Variants in MYO16 observed in about 807,000 individuals in gnomAD.
The protein encoded by MYO16 is unconventional myosin-XVI.
A neutral mutation model predicts 205.3 loss-of-function variants in MYO16; 94 were observed. The ratio of observed to expected loss-of-function variants is 0.46; its 90% CI spans 0.39 to 0.54. MYO16 has a LOEUF of 0.54. Among genes scored for constraint, MYO16 ranks in the 20% least tolerant of loss-of-function variants. MYO16 has a pLI of 0.00. For synonymous variants in MYO16, 988 were observed against 954.0 expected, an observed-to-expected ratio of 1.04 and a Z score of -0.66; for missense variants, 2,315 against 2,387.5, an observed-to-expected ratio of 0.97 and a Z score of 0.63.
At chr13:109,116,748 A>G (rs1875709556) in intron 28 of MYO16, among the ~76,000 whole-genome samples, 1 of 152,140 alleles carries the variant, frequency 6.6e-6, no homozygotes, top group Non-Finnish European at 1.5e-5. Flanking sequence ...AGGGTCAGCT[A>G]GTTCCTGGTT....
intron 6 of MYO16, among the ~76,000 whole-genome samples, chr13:108,796,005 C>A (rs1467251397): frequency 1.3e-5 from 2 of 152,158 alleles, no homozygotes; most frequent in African/African-American, 2.4e-5. Context: ...ACCACAAACT[C>A]CTACAGTGTC....
At chr13:108,882,994 A>G in intron 12 of MYO16, 65 bp from the exon 13 acceptor site, 1 of 1,584,848 alleles carries the variant, frequency 6.3e-7, no homozygotes, top group South Asian at 1.1e-5. Context: ...CACTCTCATT[A>G]TGGGATGAGG....
At chr13:109,131,871 A>C (rs2139786282) in intron 31 of MYO16, among the ~76,000 whole-genome samples, 1 of 152,280 alleles carries the variant, frequency 6.6e-6, no homozygotes, top group African/African-American at 2.4e-5. Flanking sequence ...GACTGAAGTT[A>C]AATATAAGCC....
intron 16 of MYO16, among the ~76,000 whole-genome samples, chr13:108,919,079 C>G (rs1881628415): frequency 6.6e-6 from 1 of 152,190 alleles, no homozygotes. Context: ...TCCAGATACT[C>G]AGGCTCTTTT....
At chr13:108,796,180 A>G (rs1886783221) in intron 6 of MYO16, among the ~76,000 whole-genome samples, 1 of 152,218 alleles carries the variant, frequency 6.6e-6, no homozygotes. Context: ...TGGGAAGTTC[A>G]GAAGAGAGGA....
At chr13:108,773,139 C>A (rs1886022146) in intron 4 of MYO16, among the ~76,000 whole-genome samples, 1 of 152,162 alleles carries the variant, frequency 6.6e-6, no homozygotes, top group African/African-American at 2.4e-5. Flanking sequence ...GCACCAATCC[C>A]AATCCTGAGA....
intron 16 of MYO16, among the ~76,000 whole-genome samples, chr13:108,941,606 G>T (rs895907372): frequency 2.7e-5 from 4 of 150,460 alleles, no homozygotes; most frequent in African/African-American, 9.8e-5. Context: ...GAACCTGGGA[G>T]GCAGAGTTTG....
chr13:109,097,268 G>A lies in MYO16; in HGVS notation c.3336-3517G>A, dbSNP rs539870956. On this transcript the variant is annotated intron_variant, in intron 27 of 34. Coordinates refer to ENST00000457511, the MANE Select transcript of MYO16 (RefSeq NM_001198950.3). ...TGTTTGAACCCAGGAGGCAGAGGTT[G>A]CGGTCAGCCGAGATCACACCATTGC... 2.0e-5 allele frequency among the ~76,000 whole-genome samples: 3 copies of A among 152,272 alleles called. No homozygotes were observed. The South Asian group carries it at 6.2e-4, about 32-fold the overall frequency.
chr13:108,583,978 G>A, the MYO16 span, among the ~76,000 whole-genome samples: 1 of 152,224 alleles, frequency 6.6e-6, no homozygotes, highest in Non-Finnish European at 1.5e-5. Context: ...TTTTGATACG[G>A]AGTCTCGCTC....
intron 24 of MYO16, among the ~76,000 whole-genome samples, chr13:109,050,265 C>T (rs909644556): frequency 1.2e-4 from 19 of 152,016 alleles, no homozygotes; most frequent in African/African-American, 4.6e-4. Flanking sequence ...CTCTCTCTTT[C>T]ATGACTTTTT....
chr13:108,795,382 G>C (rs1378966941), intron 6 of MYO16, among the ~76,000 whole-genome samples: 3 of 151,902 alleles, frequency 2.0e-5, no homozygotes, highest in East Asian at 3.9e-4. Context: ...CTAATTTTTT[G>C]TATTTTTATT....
At chr13:109,013,852 G>T (rs1885706548) in intron 22 of MYO16, among the ~76,000 whole-genome samples, 1 of 152,160 alleles carries the variant, frequency 6.6e-6, no homozygotes, top group Admixed American at 6.5e-5. Flanking sequence ...GTTCTTTGTA[G>T]ATTCCGGATA....
chr13:108,584,836 CT>C, the MYO16 span, among the ~76,000 whole-genome samples: 2 of 152,180 alleles, frequency 1.3e-5, no homozygotes, highest in Non-Finnish European at 2.9e-5. Context: ...AGATTTAATA[CT>C]TTTAAAATTG....
intron 28 of MYO16, among the ~76,000 whole-genome samples, chr13:109,112,528 G>T (rs1306136357): frequency 2.0e-5 from 3 of 152,174 alleles, no homozygotes; most frequent in African/African-American, 7.2e-5. Context: ...GGCCGAGGCA[G>T]GTGGTTCACC....
At chr13:109,166,241 G>C (rs1566544817) in intron 33 of MYO16, among the ~76,000 whole-genome samples, 1 of 152,148 alleles carries the variant, frequency 6.6e-6, no homozygotes, top group Non-Finnish European at 1.5e-5. Flanking sequence ...GAGAATTTCA[G>C]CAGAAATAGG....
At chr13:109,168,084 T>C (rs544212387) in intron 33 of MYO16, among the ~76,000 whole-genome samples, 2 of 151,308 alleles carry the variant, frequency 1.3e-5, no homozygotes, top group Non-Finnish European at 2.9e-5. Context: ...GTAGATAATA[T>C]CCAAACTAGT....
In MYO16 at chr13:109,206,803, G is replaced by T; in HGVS notation, c.5610G>T (p.Arg1870Ser). 5 of 1,614,132 alleles carry T rather than the reference G, an allele frequency of 3.1e-6. No individual in the cohort carries two copies. Among genetic ancestry groups the T allele is most frequent in the Non-Finnish European group, 4.2e-6 (5 of 1,180,010 alleles). Residue 1870 changes from arginine (R) to serine (S), a missense_variant, in exon 35 of 35, where the codon AGG becomes AGT. Physicochemically the swap from Arg to Ser is moderately radical, Grantham distance 110. Coordinates refer to ENST00000457511, the MANE Select transcript of MYO16 (RefSeq NM_001198950.3). ...AGCCGGAAGGGGCCTCCTGCAACAG[G>T]CTGCCGTCTGAGCTCTGGGACACCA... ...LKKPEGASCN[R>S]LPSELWDTTI
chr13:108,972,488 G>C (rs181626610), intron 20 of MYO16, among the ~76,000 whole-genome samples: 5 of 142,796 alleles, frequency 3.5e-5, no homozygotes, highest in Non-Finnish European at 6.1e-5. Flanking sequence ...CTCACATGGT[G>C]GACACCCAAG....
intron 28 of MYO16, among the ~76,000 whole-genome samples, chr13:109,102,283 G>A (rs1164797963): frequency 1.3e-5 from 2 of 152,030 alleles, no homozygotes; most frequent in African/African-American, 4.8e-5. Flanking sequence ...AGTGACATAG[G>A]GGTGGGATTC....
Sources: gnomAD v4.1 joint callset for allele counts (sites outside exome capture counted in the v4.1 genomes callset) on GRCh38, gnomAD v4.1.1 for gene constraint, MANE v1.5 for transcripts, NCBI Gene and HGNC (gene_info 2026-07-23, HGNC 2026-07-21) for gene names.